The following SEMA6D variants were observed in gnomAD, a reference collection of about 807,000 sequenced individuals.
SEMA6D encodes the protein semaphorin 6D, also known as semaphorin-6D.
SEMA6D carries 35 observed loss-of-function variants against 106.6 expected under a neutral mutation model. The observed-to-expected ratio is 0.33, with a 90% confidence interval of 0.25 to 0.44. The LOEUF is 0.44. Among genes scored for constraint, SEMA6D ranks in the 20% least tolerant of loss-of-function variants. SEMA6D has a pLI of 1.00. For missense variants in SEMA6D, 1,185 were observed against 1,345.9 expected (o/e 0.88, Z 1.87); for synonymous variants, 499 against 487.7 (o/e 1.02, Z -0.31).
chr15:47,696,729 A>T (rs1008041926), intron 4 of SEMA6D, among the ~76,000 whole-genome samples: 4 of 152,178 alleles, frequency 2.6e-5, no homozygotes, highest in African/African-American at 9.6e-5. Context: ...TTTCCCCTAA[A>T]TCACACAGGC....
intron 4 of SEMA6D, among the ~76,000 whole-genome samples, chr15:47,712,210 A>G (rs1407854106): frequency 3.3e-5 from 5 of 152,212 alleles, no homozygotes; most frequent in African/African-American, 1.2e-4. Flanking sequence ...TTTGACATTG[A>G]AGCACACATT....
chr15:47,501,277 C>G (rs1042748944), intron 3 of SEMA6D, among the ~76,000 whole-genome samples: 5 of 152,138 alleles, frequency 3.3e-5, no homozygotes, highest in African/African-American at 1.2e-4. Flanking sequence ...TTTCCCTTCC[C>G]ATCAAGTTTA....
intron 4 of SEMA6D, among the ~76,000 whole-genome samples, chr15:47,694,662 T>A (rs1353886756): frequency 2.0e-5 from 3 of 152,030 alleles, no homozygotes; most frequent in Non-Finnish European, 2.9e-5. Flanking sequence ...AATAGCAATA[T>A]TTTTCCTAGG....
chr15:47,573,143 G>A (rs546900616), intron 3 of SEMA6D, among the ~76,000 whole-genome samples: 4 of 151,568 alleles, frequency 2.6e-5, no homozygotes, highest in South Asian at 2.1e-4. Flanking sequence ...GCACAAAATA[G>A]TGAAGGCAAA....
At chr15:47,743,634 G>C (rs1022610621) in intron 1 of SEMA6D, among the ~76,000 whole-genome samples, 2 of 152,170 alleles carry the variant, frequency 1.3e-5, no homozygotes, top group African/African-American at 4.8e-5. Flanking sequence ...GGAAAATCCT[G>C]GTGGGAAGTG....
chr15:47,203,136 T>C (rs996384498), intron 1 of SEMA6D, among the ~76,000 whole-genome samples: 6 of 152,272 alleles, frequency 3.9e-5, no homozygotes, highest in African/African-American at 1.4e-4. Flanking sequence ...CCTTTCACTA[T>C]TAAAAGTTTT....
chr15:47,352,294 A>T (rs901087016), intron 1 of SEMA6D, among the ~76,000 whole-genome samples: 28 of 152,198 alleles, frequency 1.8e-4, no homozygotes, highest in African/African-American at 6.8e-4. Flanking sequence ...GATGTTTGTC[A>T]TTGAATTGAC....
At chr15:47,502,051 C>T (rs1455089960) in intron 3 of SEMA6D, among the ~76,000 whole-genome samples, 3 of 152,108 alleles carry the variant, frequency 2.0e-5, no homozygotes, top group Non-Finnish European at 4.4e-5. Context: ...AGGAAAATAT[C>T]TCCTGATGTT....
chr15:47,657,719 CTTTTTTTTTTTTTTTTTTTTTTTT>C (rs71118191), intron 4 of SEMA6D, among the ~76,000 whole-genome samples: 8 of 54,654 alleles, frequency 1.5e-4, no homozygotes, highest in African/African-American at 4.3e-4. Flanking sequence ...GGCTTCATTT[CTTTTTTTTTTTTTTTTTTTTTTTT>C]TTTTTTTTTT....
At chr15:47,745,151 C>A (rs2081056025) in intron 1 of SEMA6D, among the ~76,000 whole-genome samples, 2 of 152,210 alleles carry the variant, frequency 1.3e-5, no homozygotes, top group African/African-American at 4.8e-5. Flanking sequence ...TTATCTCTGG[C>A]ATTAGAACCA....
At chr15:47,295,924 C>T (rs1595668369) in intron 1 of SEMA6D, among the ~76,000 whole-genome samples, 1 of 152,300 alleles carries the variant, frequency 6.6e-6, no homozygotes, top group East Asian at 1.9e-4. Flanking sequence ...TTCTGTGATT[C>T]AGGTGCCCAG....
At chr15:47,522,036 C>T (rs1485549839) in intron 3 of SEMA6D, among the ~76,000 whole-genome samples, 1 of 151,376 alleles carries the variant, frequency 6.6e-6, no homozygotes, top group Non-Finnish European at 1.5e-5. Context: ...TTTAAGGGAA[C>T]TATATCACTT....
chr15:47,696,826 T>C (rs547367735), intron 4 of SEMA6D, among the ~76,000 whole-genome samples: 2 of 152,318 alleles, frequency 1.3e-5, no homozygotes, highest in South Asian at 4.1e-4. Context: ...GATAGTAATA[T>C]CTGTCTCATA....
chr15:47,618,322 AG>A (rs1335251393), intron 4 of SEMA6D, among the ~76,000 whole-genome samples: 1 of 152,204 alleles, frequency 6.6e-6, no homozygotes, highest in Non-Finnish European at 1.5e-5. Context: ...TGCCTGACCT[AG>A]GCAAGCCACC....
intron 1 of SEMA6D, among the ~76,000 whole-genome samples, chr15:47,196,772 A>G (rs746427510): frequency 1.3e-5 from 2 of 152,218 alleles, no homozygotes; most frequent in African/African-American, 2.4e-5. Flanking sequence ...ACACGATTCA[A>G]GAGAATGCGA....
chr15:47,381,291 T>C (rs1447362999), intron 1 of SEMA6D, among the ~76,000 whole-genome samples: 1 of 152,246 alleles, frequency 6.6e-6, no homozygotes, highest in African/African-American at 2.4e-5. Context: ...AGGCATCATA[T>C]TCGTGGCTTT....
chr15:47,487,782 G>T (rs972132733), intron 3 of SEMA6D, among the ~76,000 whole-genome samples: 1 of 152,168 alleles, frequency 6.6e-6, no homozygotes, highest in African/African-American at 2.4e-5. Flanking sequence ...ATGCACACAT[G>T]CAAGTATTTC....
chr15:47,412,032 C>A (rs900682846), intron 1 of SEMA6D, among the ~76,000 whole-genome samples: 1 of 152,122 alleles, frequency 6.6e-6, no homozygotes, highest in African/African-American at 2.4e-5. Context: ...CACGTAAGCA[C>A]ATACTTCATT....
intron 1 of SEMA6D, among the ~76,000 whole-genome samples, chr15:47,226,230 G>C (rs1468466081): frequency 6.6e-6 from 1 of 152,038 alleles, no homozygotes; most frequent in Non-Finnish European, 1.5e-5. Flanking sequence ...ACACCATGGA[G>C]CAGATTTTCC....
Sources: allele counts gnomAD v4.1 joint callset (sites outside exome capture counted in the v4.1 genomes callset), GRCh38; gene constraint gnomAD v4.1.1; transcripts MANE v1.5; gene names NCBI Gene and HGNC (gene_info 2026-07-23, HGNC 2026-07-21).